Variants in NRXN3 observed in about 807,000 individuals in gnomAD.
NRXN3 encodes neurexin III.
NRXN3 carries 32 observed loss-of-function variants against 137.6 expected under a neutral mutation model. The ratio of observed to expected loss-of-function variants is 0.23; its 90% CI spans 0.18 to 0.31. The LOEUF is 0.31. NRXN3 is among the 10% of genes least tolerant of loss of function. NRXN3 has a pLI of 1.00. For synonymous variants in NRXN3, 798 were observed against 784.5 expected, an observed-to-expected ratio of 1.02 and a Z score of -0.29; for missense variants, 1,574 against 2,062.5, an observed-to-expected ratio of 0.76 and a Z score of 4.59.
intron 15 of NRXN3, among the ~76,000 whole-genome samples, chr14:79,185,451 A>T (rs1263405799): frequency 1.4e-5 from 2 of 146,916 alleles, no homozygotes; most frequent in African/African-American, 5.0e-5. Context: ...TGATTTGAGC[A>T]ATTTCACACT....
intron 15 of NRXN3, among the ~76,000 whole-genome samples, chr14:79,125,560 T>C (rs369517075): frequency 2.0e-5 from 3 of 152,212 alleles, no homozygotes; most frequent in South Asian, 2.1e-4. Flanking sequence ...CTCCAGTTCC[T>C]GCTCTCACAC....
At chr14:78,596,115 C>T (rs769676945) in intron 4 of NRXN3, among the ~76,000 whole-genome samples, 17 of 152,244 alleles carry the variant, frequency 1.1e-4, no homozygotes, top group South Asian at 2.1e-4. Flanking sequence ...GAGAAACCTT[C>T]GATTAAAGTC....
intron 4 of NRXN3, among the ~76,000 whole-genome samples, chr14:78,325,043 G>A (rs761204806): frequency 6.6e-6 from 1 of 152,008 alleles, no homozygotes; most frequent in Non-Finnish European, 1.5e-5. Flanking sequence ...ACAGGAGGCC[G>A]AGGCAGGTAG....
At chr14:79,419,981 G>T (rs532109033) in intron 15 of NRXN3, among the ~76,000 whole-genome samples, 20 of 152,282 alleles carry the variant, frequency 1.3e-4, no homozygotes, top group African/African-American at 4.8e-4. Context: ...TTAGATACCT[G>T]TTATGTAGAG....
At chr14:78,593,471 C>T in intron 4 of NRXN3, among the ~76,000 whole-genome samples, 1 of 152,170 alleles carries the variant, frequency 6.6e-6, no homozygotes, top group East Asian at 1.9e-4. Flanking sequence ...AGTCAGCTCT[C>T]CCAAGCACAG....
At chr14:78,479,929 G>A (rs2095444269) in intron 4 of NRXN3, among the ~76,000 whole-genome samples, 1 of 152,092 alleles carries the variant, frequency 6.6e-6, no homozygotes, top group Non-Finnish European at 1.5e-5. Context: ...CAAATTACCT[G>A]AGGTCAGGAG....
At chr14:78,311,742 T>G (rs931318576) in intron 4 of NRXN3, among the ~76,000 whole-genome samples, 6 of 152,146 alleles carry the variant, frequency 3.9e-5, no homozygotes, top group African/African-American at 1.2e-4. Flanking sequence ...CTGCTTTTTT[T>G]TTTGTGCACA....
intron 15 of NRXN3, among the ~76,000 whole-genome samples, chr14:79,330,538 T>C (rs921236576): frequency 2.6e-5 from 4 of 152,074 alleles, no homozygotes; most frequent in Non-Finnish European, 5.9e-5. Flanking sequence ...CTATTTGAGT[T>C]GATGTTGGGT....
chr14:78,574,324 A>G (rs35834627), intron 4 of NRXN3, among the ~76,000 whole-genome samples: 5,138 of 152,306 alleles, frequency 0.034, 107 homozygotes, highest in African/African-American at 0.052. Context: ...GTAGAGGACT[A>G]GCATCCTCCA....
chr14:79,335,661 T>C (rs2092197540), intron 15 of NRXN3, among the ~76,000 whole-genome samples: 1 of 149,284 alleles, frequency 6.7e-6, no homozygotes, highest in Non-Finnish European at 1.5e-5. Context: ...TGATATATAC[T>C]ATATATATAT....
chr14:79,654,679 A>G (rs2098496669), intron 16 of NRXN3, among the ~76,000 whole-genome samples: 1 of 152,186 alleles, frequency 6.6e-6, no homozygotes, highest in African/African-American at 2.4e-5. Flanking sequence ...TCTAAACCGT[A>G]TTATCTGATG....
At chr14:78,789,357 CT>C (rs1486961785) in intron 8 of NRXN3, among the ~76,000 whole-genome samples, 2 of 152,132 alleles carry the variant, frequency 1.3e-5, no homozygotes, top group African/African-American at 2.4e-5. Flanking sequence ...ACTTTTCCCC[CT>C]AAAGGGCATT....
At chr14:79,062,234 G>A (rs2099675112) in intron 15 of NRXN3, among the ~76,000 whole-genome samples, 1 of 152,062 alleles carries the variant, frequency 6.6e-6, no homozygotes, top group Non-Finnish European at 1.5e-5. Flanking sequence ...GGTTCCTACG[G>A]GACCCAGGCT....
intron 15 of NRXN3, among the ~76,000 whole-genome samples, chr14:79,345,672 CCT>C (rs1244094661): frequency 1.3e-5 from 2 of 152,004 alleles, no homozygotes; most frequent in Non-Finnish European, 2.9e-5. Context: ...GTGAATTCTC[CCT>C]CTGAGTCCAC....
chr14:79,488,697 ACT>A (rs1320114956), intron 16 of NRXN3, among the ~76,000 whole-genome samples: 3 of 152,174 alleles, frequency 2.0e-5, no homozygotes, highest in African/African-American at 7.2e-5. Flanking sequence ...TTGACCAGAA[ACT>A]CTGAGGAGGA....
intron 16 of NRXN3, among the ~76,000 whole-genome samples, chr14:79,605,417 A>C (rs1477113572): frequency 6.6e-6 from 1 of 152,064 alleles, no homozygotes; most frequent in Non-Finnish European, 1.5e-5. Flanking sequence ...TAGGGTGTGG[A>C]TGGGATTCTG....
intron 10 of NRXN3, among the ~76,000 whole-genome samples, chr14:78,921,434 C>T (rs1245136965): frequency 1.3e-5 from 2 of 152,152 alleles, no homozygotes; most frequent in African/African-American, 4.8e-5. Flanking sequence ...CACTTACCTC[C>T]ATATATGAAT....
intron 15 of NRXN3, among the ~76,000 whole-genome samples, chr14:79,175,227 G>C (rs1173368588): frequency 6.6e-6 from 1 of 152,112 alleles, no homozygotes; most frequent in Non-Finnish European, 1.5e-5. Context: ...TGATCCGCCT[G>C]CCTCGGCCTC....
Position 78,510,476 on chromosome 14 carries a change from C to A in NRXN3, c.758-134644C>A, listed in dbSNP as rs2096083162. On this transcript the variant is annotated intron_variant, in intron 4 of 20. Coordinates refer to ENST00000335750, the MANE Select transcript of NRXN3 (RefSeq NM_001330195.2). ...ATGTTTTCAAAGAATCCTACATCCA[C>A]ATATCTCAAAGGAGTGCTATTGATT... Among the ~76,000 whole-genome samples the A allele has an allele frequency of 2.0e-5, 3 of 152,140 alleles. No individual in the cohort carries two copies. In the South Asian group the frequency reaches 6.2e-4, roughly 32 times the overall value.
Sources: gnomAD v4.1 joint callset for allele counts (sites outside exome capture counted in the v4.1 genomes callset) on GRCh38, gnomAD v4.1.1 for gene constraint, MANE v1.5 for transcripts, NCBI Gene and HGNC (gene_info 2026-07-23, HGNC 2026-07-21) for gene names.